STARD7: variants seen among roughly 807,000 people sequenced by gnomAD.
STARD7 encodes the protein StAR related lipid transfer domain containing 7, also known as stAR-related lipid transfer protein 7, mitochondrial.
In STARD7, 30 loss-of-function variants were observed where a neutral mutation model predicts 45.3. The observed-to-expected ratio is 0.66, with a 90% CI of 0.50 to 0.90. STARD7 has a LOEUF of 0.90. Among genes scored for constraint, STARD7 ranks in the 40% least tolerant of loss-of-function variants. The pLI is 0.00. For missense variants in STARD7, 495 were observed against 491.3 expected (o/e 1.01, Z -0.07); for synonymous variants, 199 against 183.0 (o/e 1.09, Z -0.70).
chr2:96,204,765 A>G (rs1683361826), intron 1 of STARD7, among the ~76,000 whole-genome samples: 1 of 151,806 alleles, frequency 6.6e-6, no homozygotes, highest in East Asian at 1.9e-4. Flanking sequence ...AAAAAAAAAA[A>G]GTTCCTTTAA....
intron 1 of STARD7, 130 bp downstream of exon 1, chr2:96,208,015 C>A: frequency 1.2e-6 from 1 of 802,608 alleles, no homozygotes; most frequent in South Asian, 2.1e-5. Flanking sequence ...TTTGCTGAAG[C>A]AGGTTCAATC....
At chr2:96,195,830 A>G (rs1683195625) in intron 1 of STARD7, among the ~76,000 whole-genome samples, 1 of 152,162 alleles carries the variant, frequency 6.6e-6, no homozygotes, top group Admixed American at 6.5e-5. Flanking sequence ...CAAAGTGTCA[A>G]GTGCTGCAGG....
At chr2:96,193,755 T>A (rs924565481) in intron 3 of STARD7, among the ~76,000 whole-genome samples, 12 of 152,222 alleles carry the variant, frequency 7.9e-5, no homozygotes, top group Non-Finnish European at 1.2e-4. Flanking sequence ...GCATATTTTT[T>A]TAAATTTCTG....
chr2:96,208,255 G>A lies in STARD7; in HGVS notation c.180C>T (p.Arg60=), dbSNP rs1193835771. The stretch of plus-strand genomic sequence containing the variant: ...GACGGCCGTGCAGCCGGCGCCAGAG[G>A]CGGCCGAGGAGAACGCGGCGTGAGC... ...SESSRRVLLG[R]LWRRLHGRPG... is the part of the protein sequence containing the mutation. The change falls in exon 1 of 8, where the codon CGC becomes CGT. Residue 60 remains arginine, a synonymous_variant. Coordinates refer to ENST00000337288, the MANE Select transcript of STARD7 (RefSeq NM_020151.4). The A allele has an allele frequency of 1.9e-6, 3 of 1,612,138 alleles. No homozygotes were observed. Among genetic ancestry groups the A allele is most frequent in the Non-Finnish European group, 1.7e-6 (2 of 1,179,524 alleles).
intron 6 of STARD7, 52 bp downstream of exon 6, chr2:96,192,317 G>A (rs773101227): frequency 9.2e-5 from 128 of 1,388,650 alleles, no homozygotes; most frequent in Non-Finnish European, 1.3e-4. Flanking sequence ...GACATCCCTT[G>A]AGAAAATTCC....
At chr2:96,190,571 C>G (rs1683110038) in intron 6 of STARD7, among the ~76,000 whole-genome samples, 1 of 152,098 alleles carries the variant, frequency 6.6e-6, no homozygotes, top group African/African-American at 2.4e-5. Context: ...ATCCTGACCT[C>G]AAGTTATCTA....
intron 6 of STARD7, 41 bp from the exon 7 acceptor site, chr2:96,187,342 C>G (rs1683053223): frequency 8.3e-7 from 1 of 1,204,982 alleles, no homozygotes; most frequent in East Asian, 2.3e-5. Flanking sequence ...CCCTGAATCA[C>G]CAACCACAAC....
chr2:96,197,203 G>C (rs187788256), intron 1 of STARD7, among the ~76,000 whole-genome samples: 1 of 151,742 alleles, frequency 6.6e-6, no homozygotes, highest in Non-Finnish European at 1.5e-5. Flanking sequence ...TCAGGAGTTC[G>C]AGACCGGCCT....
intron 1 of STARD7, among the ~76,000 whole-genome samples, chr2:96,197,395 A>G (rs1252680891): frequency 6.6e-6 from 1 of 152,092 alleles, no homozygotes; most frequent in Non-Finnish European, 1.5e-5. Flanking sequence ...ACAGAGTGAG[A>G]CTCCATCTCT....
Position 96,195,548 on chromosome 2 carries a change from A to G in STARD7, c.292T>C (p.Ser98Pro). Reference protein sequence around the residue: ...ERIQEEELQRSINEMKRLEEM... With the variant: ...ERIQEEELQRPINEMKRLEEM... ...TCCAACCGCTTCATCTCATTAATAG[A>G]TCTGTAAAGGGGAAAAAGAGCCATG... is the stretch of plus-strand genomic sequence containing the variant. The change falls in exon 2 of 8, where the codon TCT becomes CCT. Residue 98 changes from serine (S) to proline (P), a missense_variant and splice_region_variant. Transcript: ENST00000337288. The G allele has an allele frequency of 1.9e-6, 3 of 1,611,814 alleles. No homozygotes were observed. Among genetic ancestry groups the G allele is most frequent in the Non-Finnish European group, 2.5e-6 (3 of 1,178,656 alleles).
chr2:96,203,419 C>T lies in STARD7; in HGVS notation c.290+4726G>A, dbSNP rs926295980. 2.0e-5 allele frequency among the ~76,000 whole-genome samples: 3 copies of T among 152,130 alleles called. No homozygotes were observed. In the South Asian group the frequency reaches 6.2e-4, roughly 32 times the overall value. On this transcript the variant is annotated intron_variant, in intron 1 of 7. Coordinates refer to ENST00000337288, the MANE Select transcript of STARD7 (RefSeq NM_020151.4). Reference sequence around the variant, plus strand: ...ATTTCAATATCTGAAAAAGGCTGGACCGAAAGCTATAGAAACTGAAAGCAA... The same window carrying T: ...ATTTCAATATCTGAAAAAGGCTGGATCGAAAGCTATAGAAACTGAAAGCAA...
In STARD7 at chr2:96,208,381, G is replaced by T. The variant is rs921147649; in HGVS notation, c.54C>A (p.Gly18=). The change falls in exon 1 of 8, where the codon GGC becomes GGA. Residue 18 remains glycine (G), a synonymous_variant. Transcript: ENST00000337288. ...ACTGATTGGCCAGAAGCGCCAGCAG[G>T]CCCCCGCCCCGCGTCCCCGCCAGCC... ...AAWLAGTRGG[G]LLALLANQCR... is the part of the protein sequence containing the mutation. 2.0e-6 allele frequency: 3 copies of T among 1,490,498 alleles called. No homozygotes were observed. Among genetic ancestry groups the T allele is most frequent in the Admixed American group, 2.4e-5 (1 of 41,224 alleles). The allele number at this position is 1,490,498 out of a possible 1,614,324, so 92.3% of individuals were successfully genotyped here. A position where few individuals can be genotyped will look rare whatever the true frequency, so the allele number is the denominator to read the frequency against.
intron 1 of STARD7, among the ~76,000 whole-genome samples, chr2:96,201,104 T>C (rs777595500): frequency 6.6e-6 from 1 of 152,220 alleles, no homozygotes; most frequent in African/African-American, 2.4e-5. Context: ...CTTACTAAAC[T>C]ATAAATTCCT....
chr2:96,199,895 C>T (rs1284406740), intron 1 of STARD7, among the ~76,000 whole-genome samples: 2 of 152,096 alleles, frequency 1.3e-5, no homozygotes, highest in Non-Finnish European at 2.9e-5. Context: ...TTGTCAAATA[C>T]TTTTTGTGTT....
At chr2:96,190,125 T>C (rs1037601568) in intron 6 of STARD7, among the ~76,000 whole-genome samples, 3 of 152,152 alleles carry the variant, frequency 2.0e-5, no homozygotes, top group African/African-American at 7.2e-5. Flanking sequence ...GAACCAGGAC[T>C]CCCTAAAGAA....
intron 6 of STARD7, among the ~76,000 whole-genome samples, chr2:96,192,154 C>T (rs576537448): frequency 3.3e-5 from 5 of 152,164 alleles, no homozygotes; most frequent in African/African-American, 4.8e-5. Flanking sequence ...TAAGAGGGAA[C>T]CAATGGATTG....
chr2:96,204,410 C>T (rs1040194226), intron 1 of STARD7, among the ~76,000 whole-genome samples: 8 of 151,846 alleles, frequency 5.3e-5, no homozygotes, highest in African/African-American at 1.7e-4. Context: ...AAAAATTAGC[C>T]GGGTGTGGTG....
At chr2:96,188,944 G>C (rs1225026284) in intron 6 of STARD7, among the ~76,000 whole-genome samples, 1 of 151,614 alleles carries the variant, frequency 6.6e-6, no homozygotes, top group African/African-American at 2.4e-5. Flanking sequence ...AAAACACTTT[G>C]GGTGTTTTTT....
At chr2:96,197,114 A>C (rs151322014) in intron 1 of STARD7, among the ~76,000 whole-genome samples, 3,035 of 143,398 alleles carry the variant, frequency 0.021, 140 homozygotes, top group South Asian at 0.034. Context: ...AATAAAATAA[A>C]ATAAAATAAA....
Sources: allele counts gnomAD v4.1 joint callset (sites outside exome capture counted in the v4.1 genomes callset), GRCh38; gene constraint gnomAD v4.1.1; transcripts MANE v1.5; gene names NCBI Gene and HGNC (gene_info 2026-07-23, HGNC 2026-07-21).